PITPNA: variants seen among roughly 807,000 people sequenced by gnomAD.
PITPNA encodes phosphatidylinositol transfer protein alpha isoform.
Under a neutral mutation model 50.3 loss-of-function variants are expected in PITPNA, and 13 were observed. The ratio of observed to expected loss-of-function variants is 0.26; its 90% CI spans 0.17 to 0.41. PITPNA has a LOEUF of 0.41. Among genes scored for constraint, PITPNA ranks in the 10% least tolerant of loss-of-function variants. The probability of loss-of-function intolerance (pLI) is 1.00; values close to 1 mark genes in which losing one functional copy is unlikely to be tolerated. For missense variants in PITPNA, 207 were observed against 333.4 expected, an observed-to-expected ratio of 0.62 and a Z score of 2.95; for synonymous variants, 120 against 119.6, an observed-to-expected ratio of 1.00 and a Z score of -0.02.
chr17:1,541,991 C>A (rs2075650248), intron 5 of PITPNA, among the ~76,000 whole-genome samples: 1 of 151,892 alleles, frequency 6.6e-6, no homozygotes, highest in Non-Finnish European at 1.5e-5. Context: ...CTTGAGGTCA[C>A]AAGATCGAGA....
chr17:1,534,041 C>T, intron 10 of PITPNA, 58 bp downstream of exon 10: 1 of 1,601,074 alleles, frequency 6.2e-7, no homozygotes, highest in Non-Finnish European at 8.5e-7. Flanking sequence ...CCCAGCAAAA[C>T]AGTCTCCTTA....
chr17:1,537,125 A>G (rs1185822047), intron 7 of PITPNA, among the ~76,000 whole-genome samples: 1 of 150,926 alleles, frequency 6.6e-6, no homozygotes, highest in Non-Finnish European at 1.5e-5. Flanking sequence ...GTGCAAAGGC[A>G]TGATCTCGGC....
chr17:1,562,710 G>T lies in PITPNA; in HGVS notation c.-150C>A. Reference sequence around the variant, plus strand: ...CCCCGCCGCCCTCGCCGCGGTCGCCGCGCCGGCTCCTGCCGCCCGGGCCTC... The same window carrying T: ...CCCCGCCGCCCTCGCCGCGGTCGCCTCGCCGGCTCCTGCCGCCCGGGCCTC... On this transcript the variant is annotated 5_prime_UTR_variant, in exon 1 of 12. Transcript: ENST00000313486. This position sits in a 1 kb window ranked among gnomAD's most constrained non-coding sequence, Gnocchi z 6.4. The T allele has an allele frequency of 2.6e-6, 1 of 386,578 alleles. No homozygotes were observed. Among genetic ancestry groups the T allele is most frequent in the Non-Finnish European group, 3.6e-6 (1 of 276,722 alleles). 23.9% of individuals were successfully genotyped at this position (386,578 alleles called of 1,614,324 possible). A position where few individuals can be genotyped will look rare whatever the true frequency, so the allele number is the denominator to read the frequency against.
At chr17:1,535,782 T>C in intron 7 of PITPNA, 1 of 474,338 alleles carries the variant, frequency 2.1e-6, no homozygotes, top group South Asian at 2.2e-5. Flanking sequence ...GGCACATATT[T>C]ACCGTGTTGA....
intron 2 of PITPNA, among the ~76,000 whole-genome samples, chr17:1,555,234 C>A (rs1400360753): frequency 6.6e-6 from 1 of 152,186 alleles, no homozygotes; most frequent in Non-Finnish European, 1.5e-5. Context: ...AATCAGAGGG[C>A]AGGTTCTAAG....
At chr17:1,534,887 G>A (rs2075605359) in intron 9 of PITPNA, among the ~76,000 whole-genome samples, 1 of 152,260 alleles carries the variant, frequency 6.6e-6, no homozygotes, top group Non-Finnish European at 1.5e-5. Context: ...CAGCTGGGAA[G>A]CCGCCAAACT....
At chr17:1,543,313 C>G (rs1334318325) in intron 4 of PITPNA, among the ~76,000 whole-genome samples, 1 of 152,158 alleles carries the variant, frequency 6.6e-6, no homozygotes, top group Non-Finnish European at 1.5e-5. Context: ...TGACAGGGAC[C>G]AGCTCTGATC....
At chr17:1,524,873 C>T (rs935721369) in intron 10 of PITPNA, among the ~76,000 whole-genome samples, 1 of 151,588 alleles carries the variant, frequency 6.6e-6, no homozygotes, top group African/African-American at 2.4e-5. Context: ...AAGAGGTTTT[C>T]GTGTACTTAG....
At chr17:1,525,895 C>T (rs374775806) in intron 10 of PITPNA, among the ~76,000 whole-genome samples, 7 of 152,150 alleles carry the variant, frequency 4.6e-5, no homozygotes, top group South Asian at 2.1e-4. Context: ...TGATATATGA[C>T]GCAGATACAG....
intron 3 of PITPNA, among the ~76,000 whole-genome samples, chr17:1,550,867 G>A (rs990270669): frequency 2.0e-5 from 3 of 152,234 alleles, no homozygotes; most frequent in Non-Finnish European, 4.4e-5. Flanking sequence ...GAAGCGGTGC[G>A]GAGAACTGAA....
intron 3 of PITPNA, among the ~76,000 whole-genome samples, chr17:1,552,247 A>G (rs1467428338): frequency 6.6e-6 from 1 of 152,248 alleles, no homozygotes; most frequent in African/African-American, 2.4e-5. Context: ...TGTTACGTGT[A>G]CTTTATCACA....
chr17:1,521,963 G>C (rs904466606), intron 10 of PITPNA, among the ~76,000 whole-genome samples: 1 of 148,566 alleles, frequency 6.7e-6, no homozygotes, highest in Non-Finnish European at 1.5e-5. Flanking sequence ...GGCCTCACAC[G>C]ATCCTCTGCC....
At chr17:1,558,439 A>G in intron 2 of PITPNA, 90 bp downstream of exon 2, 1 of 791,264 alleles carries the variant, frequency 1.3e-6, no homozygotes, top group Non-Finnish European at 2.1e-6. Context: ...TAAGAAAACT[A>G]TATAAACAGG....
intron 7 of PITPNA, among the ~76,000 whole-genome samples, chr17:1,536,390 C>T (rs1351440760): frequency 6.6e-6 from 1 of 151,068 alleles, no homozygotes; most frequent in African/African-American, 2.4e-5. Flanking sequence ...CAAGTTCACG[C>T]CATTCTCCTG....
intron 10 of PITPNA, among the ~76,000 whole-genome samples, chr17:1,524,243 A>C (rs1310952682): frequency 2.9e-4 from 42 of 145,456 alleles, no homozygotes; most frequent in African/African-American, 8.9e-4. Flanking sequence ...ACGGGGTTTC[A>C]CCATGTTAGC....
intron 3 of PITPNA, among the ~76,000 whole-genome samples, chr17:1,551,348 G>C (rs924792831): frequency 6.6e-6 from 1 of 151,280 alleles, no homozygotes; most frequent in East Asian, 1.9e-4. Context: ...CTGGAGTGCA[G>C]TGGCGTGACC....
At position 1,551,058 on chromosome 17, in the gene PITPNA, A is replaced by G. The variant is rs8079529; in HGVS notation, c.197+1946T>C. Among the ~76,000 whole-genome samples the G allele has an allele frequency of 5.7e-4, 62 of 109,412 alleles. 2 individuals carry two copies. Among genetic ancestry groups the G allele is most frequent in the Non-Finnish European group, 1.1e-3 (48 of 44,384 alleles). 71.8% of individuals were successfully genotyped at this position (109,412 alleles called of 152,430 possible). A position where few individuals can be genotyped will look rare whatever the true frequency, so the allele number is the denominator to read the frequency against. On this transcript the variant is annotated intron_variant, in intron 3 of 11. Coordinates refer to ENST00000313486, the MANE Select transcript of PITPNA (RefSeq NM_006224.4). ...TGGGACACGAAGGGCGAGTGAGAGTATTGCGGGGCGGAGTCAGCGGGACCT... is the reference window on the plus strand; with the variant it reads ...TGGGACACGAAGGGCGAGTGAGAGTGTTGCGGGGCGGAGTCAGCGGGACCT...
chr17:1,539,219 GAGTGATCCTCCTGCCTCAGGCTCCT>G (rs1374924632), intron 6 of PITPNA, among the ~76,000 whole-genome samples: 22 of 152,206 alleles, frequency 1.4e-4, no homozygotes, highest in South Asian at 2.1e-4. Context: ...TCCTGGGCCG[GAGTGATCCTCCTGCCTCAGGCTCCT>G]AGTGATCCTC....
intron 10 of PITPNA, among the ~76,000 whole-genome samples, chr17:1,525,504 CTTTTTTTTT>C (rs11329480): frequency 5.9e-5 from 6 of 101,722 alleles, no homozygotes; most frequent in Admixed American, 2.3e-4. Context: ...CACTGGGAAA[CTTTTTTTTT>C]TTTTTTTTTT....
Sources: gnomAD v4.1 joint callset for allele counts (sites outside exome capture counted in the v4.1 genomes callset) on GRCh38, gnomAD v4.1.1 for gene constraint, Gnocchi (gnomAD v3.1) non-coding constraint, MANE v1.5 for transcripts, NCBI Gene and HGNC (gene_info 2026-07-23, HGNC 2026-07-21) for gene names.